Variants in KLC1 observed in about 807,000 individuals in gnomAD.
KLC1 encodes kinesin light chain 1.
Under a neutral mutation model 84.2 loss-of-function variants are expected in KLC1, and 30 were observed. The observed-to-expected ratio is 0.36, with a 90% CI of 0.27 to 0.48. The LOEUF is 0.48. Among genes scored for constraint, KLC1 ranks in the 20% least tolerant of loss-of-function variants. KLC1 has a pLI of 0.99. For missense variants in KLC1, 499 were observed against 805.4 expected, an observed-to-expected ratio of 0.62 and a Z score of 4.60; for synonymous variants, 289 against 293.3, an observed-to-expected ratio of 0.99 and a Z score of 0.15.
intron 1 of KLC1, among the ~76,000 whole-genome samples, chr14:103,631,399 A>T (rs1199702007): frequency 6.6e-6 from 1 of 152,042 alleles, no homozygotes; most frequent in Non-Finnish European, 1.5e-5. Context: ...ACATTTTTAA[A>T]ATTTATACAT....
intron 15 of KLC1, chr14:103,696,780 G>C (rs2082560889): frequency 3.0e-6 from 3 of 985,508 alleles, no homozygotes; most frequent in Non-Finnish European, 3.6e-6. Context: ...ATGAGGGTCA[G>C]GGCGCGTGGT....
rs746987341 is a variant in KLC1, at chr14:103,696,092, G to GCCCCCCCCCCCCCCCC, written c.1848+3672_1848+3673insCCCCCCCCCCCCCCCC. 2.0e-5 allele frequency: 15 copies of GCCCCCCCCCCCCCCCC among 758,912 alleles called. No individual in the cohort carries two copies. In the African/African-American group the frequency reaches 3.4e-4, roughly 17 times the overall value. The allele number at this position is 758,912 out of a possible 1,614,324, so 47.0% of individuals were successfully genotyped here. ...GAGTTGCTGTCAAAATAATCACTGC[G>GCCCCCCCCCCCCCCCC]CCCCCGCCCCCCGCCCCCCCCCACA... On this transcript the variant is annotated intron_variant, in intron 15 of 16. Transcript: ENST00000334553.
Position 103,673,099 on chromosome 14 carries a change from T to G in KLC1, c.1073T>G (p.Val358Gly). The G allele has an allele frequency of 6.2e-7, 1 of 1,613,630 alleles. No individual in the cohort carries two copies. Among genetic ancestry groups the G allele is most frequent in the Non-Finnish European group, 8.5e-7 (1 of 1,179,920 alleles). ...LCQNQGKYEE[V>G]EYYYQRALEI... ...CAGAACCAGGGCAAGTATGAAGAAG[T>G]AGAATATTATTATCAAAGAGCCCTC... The change falls in exon 8 of 17, where the codon GTA becomes GGA. Residue 358 changes from valine to glycine, a missense_variant. By Grantham distance (109) the Val-to-Gly change is moderately radical. Transcript: ENST00000334553.
chr14:103,646,649 T>C (rs1182180986), intron 1 of KLC1, among the ~76,000 whole-genome samples: 1 of 152,148 alleles, frequency 6.6e-6, no homozygotes, highest in African/African-American at 2.4e-5. Context: ...TTCTTTTTTT[T>C]CTTTTTGAAA....
At chr14:103,699,195 C>T in intron 15 of KLC1, 2 of 1,556,720 alleles carry the variant, frequency 1.3e-6, no homozygotes, top group Non-Finnish European at 8.7e-7. Context: ...AGAGCACAGT[C>T]CAGGTCAGCT....
chr14:103,631,508 A>G (rs1253814885), intron 1 of KLC1, among the ~76,000 whole-genome samples: 2 of 152,244 alleles, frequency 1.3e-5, no homozygotes, highest in African/African-American at 2.4e-5. Context: ...AAAGAAACCT[A>G]GGATAGAAAA....
chr14:103,691,691 A>C (rs2082128184), intron 14 of KLC1, among the ~76,000 whole-genome samples: 1 of 151,176 alleles, frequency 6.6e-6, no homozygotes, highest in African/African-American at 2.4e-5. Flanking sequence ...CTGGTCTCAA[A>C]CTCCTGAGCT....
At chr14:103,670,338 GGTTT>G in intron 7 of KLC1, 55 bp downstream of exon 7, 1 of 1,219,090 alleles carries the variant, frequency 8.2e-7, no homozygotes, top group Non-Finnish European at 1.1e-6. Context: ...GTGTGTGTGT[GGTTT>G]TTTTTTTTTT....
chr14:103,643,730 C>T (rs748415504), intron 1 of KLC1, among the ~76,000 whole-genome samples: 1 of 150,386 alleles, frequency 6.6e-6, no homozygotes, highest in Non-Finnish European at 1.5e-5. Flanking sequence ...GAGTTCCAGA[C>T]CAGCCTGGCC....
chr14:103,657,319 A>C (rs955173534), intron 2 of KLC1, among the ~76,000 whole-genome samples: 1 of 151,950 alleles, frequency 6.6e-6, no homozygotes, highest in African/African-American at 2.4e-5. Context: ...AAAAATAAGT[A>C]TTTTTTTGTA....
At chr14:103,647,955 G>T (rs917345378) in intron 1 of KLC1, among the ~76,000 whole-genome samples, 10 of 149,866 alleles carry the variant, frequency 6.7e-5, no homozygotes, top group African/African-American at 1.5e-4. Flanking sequence ...TTTGTATTGG[G>T]TTTTTTTTTC....
chr14:103,646,683 C>T (rs118161099), intron 1 of KLC1, among the ~76,000 whole-genome samples: 2,361 of 151,906 alleles, frequency 0.016, 21 homozygotes, highest in South Asian at 0.048. Context: ...CTATGTTGCC[C>T]AGTCTGGTCT....
intron 1 of KLC1, among the ~76,000 whole-genome samples, chr14:103,639,184 A>G (rs1392246661): frequency 6.6e-6 from 1 of 151,936 alleles, no homozygotes. Flanking sequence ...TTTTTTTGAG[A>G]TGGAGTCTTG....
At chr14:103,651,417 C>G (rs1485070556) in intron 1 of KLC1, among the ~76,000 whole-genome samples, 2 of 151,722 alleles carry the variant, frequency 1.3e-5, no homozygotes, top group Admixed American at 1.3e-4. Context: ...AGTTATTAAT[C>G]TGGAATTCAT....
At position 103,685,692 on chromosome 14, in the gene KLC1, G is replaced by A. The variant is rs976629227; in HGVS notation, c.1651-1389G>A. ...TCCTGCATGACGGGTGGCGCCTCCC[G>A]CAGCTTCCCTTCTCTCTCCAGTGCT... On this transcript the variant is annotated intron_variant, in intron 13 of 16. Coordinates refer to ENST00000334553, the MANE Select transcript of KLC1 (RefSeq NM_001394837.1). 6.7e-5 allele frequency: 86 copies of A among 1,289,456 alleles called. No individual in the cohort carries two copies. In the Admixed American group the frequency reaches 1.7e-3, roughly 26 times the overall value. 79.9% of individuals were successfully genotyped at this position (1,289,456 alleles called of 1,614,324 possible). A position where few individuals can be genotyped will look rare whatever the true frequency, so the allele number is the denominator to read the frequency against.
intron 5 of KLC1, among the ~76,000 whole-genome samples, chr14:103,667,849 A>G (rs972402523): frequency 5.3e-5 from 8 of 152,190 alleles, no homozygotes; most frequent in Admixed American, 2.6e-4. Context: ...CAATTGAGAA[A>G]GATGTGTGCT....
intron 1 of KLC1, among the ~76,000 whole-genome samples, chr14:103,652,306 G>A (rs2078514537): frequency 6.6e-6 from 1 of 152,094 alleles, no homozygotes; most frequent in Non-Finnish European, 1.5e-5. Context: ...TTTTACAAAT[G>A]TGTATTGAGT....
intron 1 of KLC1, among the ~76,000 whole-genome samples, chr14:103,642,769 G>T (rs1014926651): frequency 1.1e-4 from 15 of 139,972 alleles, no homozygotes; most frequent in East Asian, 2.1e-4. Context: ...TGGTTTTTTG[G>T]TTTTTTTTTT....
At chr14:103,669,437 A>AAAAAGAAAAAAAAAC in intron 5 of KLC1, 74 bp from the exon 6 acceptor site, 1 of 857,158 alleles carries the variant, frequency 1.2e-6, no homozygotes, top group South Asian at 1.6e-5. Flanking sequence ...CTGTCTAAAA[A>AAAAAGAAAAAAAAAC]AAAAGAAAAG....
Sources: gnomAD v4.1 joint callset for allele counts (sites outside exome capture counted in the v4.1 genomes callset) on GRCh38, gnomAD v4.1.1 for gene constraint, MANE v1.5 for transcripts, NCBI Gene and HGNC (gene_info 2026-07-23, HGNC 2026-07-21) for gene names.